Variants in WDR62 observed in about 807,000 individuals in gnomAD.
WDR62 encodes the protein WD repeat-containing protein 62.
WDR62 carries 112 observed loss-of-function variants against 160.6 expected under a neutral mutation model. That is an observed-to-expected ratio of 0.70 (90% CI 0.60 to 0.82). The LOEUF is 0.82. Ranked by LOEUF, WDR62 falls within the 40% of genes least tolerant of loss-of-function variation. The pLI is 0.00. For missense variants in WDR62, 1,819 were observed against 1,983.8 expected (o/e 0.92, Z 1.58); for synonymous variants, 792 against 815.1 (o/e 0.97, Z 0.48).
Position 36,103,967 on chromosome 19 carries a change from T to A in WDR62, c.4139T>A (p.Leu1380Gln). The A allele has an allele frequency of 6.3e-7, 1 of 1,598,134 alleles. No individual in the cohort carries two copies. Among genetic ancestry groups the A allele is most frequent in the Non-Finnish European group, 8.5e-7 (1 of 1,179,852 alleles). Residue 1380 changes from leucine (L) to glutamine (Q), a missense_variant, in exon 30 of 32, where the codon CTG (leucine) becomes CAG (glutamine). Physicochemically the swap from Leu to Gln is moderately radical, Grantham distance 113. Coordinates refer to ENST00000401500, the MANE Select transcript of WDR62 (RefSeq NM_001083961.2). ...PGIPGGTASL[L>Q]EPTSGALGLL... is the part of the protein sequence containing the mutation. ...ATCCCTGGCGGCACTGCCTCCCTCC[T>A]GGAGCCCACCTCCGGTGAGTACAGC...
downstream of WDR62, among the ~76,000 whole-genome samples, chr19:36,106,942 C>T (rs768426566): frequency 9.2e-5 from 14 of 152,132 alleles, no homozygotes; most frequent in Middle Eastern, 6.3e-3. Flanking sequence ...CTGCCTAGTT[C>T]GGCCACCATT....
In WDR62 at chr19:36,055,105, G is replaced by A; in HGVS notation, c.134G>A (p.Arg45Gln). The change falls in exon 1 of 32, where the codon CGG becomes CAG. Residue 45 changes from arginine to glutamine, a missense_variant. Physicochemically the swap from Arg to Gln is conservative, Grantham distance 43. Transcript: ENST00000401500. Reference sequence around the variant, plus strand: ...GCCCCACCAATCTGCCTACGGCGGCGGACGCGACTCTCGACGGCCTCCGAG... The same window carrying A: ...GCCCCACCAATCTGCCTACGGCGGCAGACGCGACTCTCGACGGCCTCCGAG... ...PPAPPICLRR[R>Q]TRLSTASEET... 1.2e-6 allele frequency: 2 copies of A among 1,606,602 alleles called. No homozygotes were observed. The highest frequency in any genetic ancestry group is 1.7e-6 in the Non-Finnish European group (2 of 1,177,636).
rs75230537 is a variant in WDR62 at position 36,081,514 on chromosome 19, T to C, written c.1315T>C (p.Phe439Leu). ...LTCSSDNTIR[F>L]WNLDSSPDSH... is the part of the protein sequence containing the mutation. Reference sequence around the variant, plus strand: ...TTGTTCTTCAGACAACACCATTCGCTTCTGGAACTTGGACAGCAGCCCTGA... The same window carrying C: ...TTGTTCTTCAGACAACACCATTCGCCTCTGGAACTTGGACAGCAGCCCTGA... The change falls in exon 10 of 32, where the codon TTC (phenylalanine) becomes CTC (leucine). Residue 439 changes from phenylalanine (F) to leucine (L), a missense_variant. Physicochemically the swap from Phe to Leu is conservative, Grantham distance 22 (BLOSUM62 0). Coordinates refer to ENST00000401500, the MANE Select transcript of WDR62 (RefSeq NM_001083961.2). 28 of 1,614,064 alleles carry C rather than the reference T, an allele frequency of 1.7e-5. No homozygotes were observed. The highest frequency in any genetic ancestry group is 6.8e-6 in the Non-Finnish European group (8 of 1,180,038).
At chr19:36,063,758 C>G (rs1203597764) in intron 3 of WDR62, among the ~76,000 whole-genome samples, 1 of 152,212 alleles carries the variant, frequency 6.6e-6, no homozygotes, top group Non-Finnish European at 1.5e-5. Context: ...AAGGTGTTGC[C>G]TGCCAGATTC....
chr19:36,093,520 A>C (rs1972763944), intron 19 of WDR62, among the ~76,000 whole-genome samples: 1 of 152,040 alleles, frequency 6.6e-6, no homozygotes, highest in Non-Finnish European at 1.5e-5. Flanking sequence ...TGTTTTTGCC[A>C]TTGGCTCCAT....
rs150624399 is a variant in WDR62, at chr19:36,103,639, G to A, written c.3811G>A (p.Ala1271Thr). The A allele has an allele frequency of 9.3e-6, 15 of 1,609,022 alleles. No homozygotes were observed. The highest frequency in any genetic ancestry group is 6.7e-5 in the Admixed American group (4 of 59,886). ...LGQELQAITT[A>T]TTPSLDSEGQ... ...CCAGGAGCTTCAGGCCATCACCACC[G>A]CGACAACACCCAGTTTGGACAGTGA... The change falls in exon 30 of 32, where the codon GCG becomes ACG. Residue 1271 changes from alanine (A) to threonine (T), a missense_variant. Transcript: ENST00000401500.
At chr19:36,078,861 T>A (rs1971734190) in intron 9 of WDR62, among the ~76,000 whole-genome samples, 2 of 150,346 alleles carry the variant, frequency 1.3e-5, no homozygotes, top group East Asian at 3.9e-4. Flanking sequence ...CAAAGTAAGT[T>A]ATAGTTTTTA....
Position 36,103,011 on chromosome 19 carries a change from C to T in WDR62, c.3399C>T (p.Leu1133=), listed in dbSNP as rs201394399. Residue 1133 remains leucine (L), a synonymous_variant, in exon 28 of 32, where the codon CTC becomes CTT. Transcript: ENST00000401500. ...TTGTGAAGTCTCCAGAGGTCAAGCT[C>T]ATGGACCGAGGCGGAAGCCAGCCCA... ...QCLVKSPEVK[L]MDRGGSQPRA... 6.2e-7 allele frequency: 1 copy of T among 1,614,132 alleles called. No individual in the cohort carries two copies. Among genetic ancestry groups the T allele is most frequent in the Non-Finnish European group, 8.5e-7 (1 of 1,180,010 alleles).
intron 20 of WDR62, among the ~76,000 whole-genome samples, chr19:36,095,667 G>A (rs188584590): frequency 1.6e-4 from 25 of 152,330 alleles, no homozygotes; most frequent in Admixed American, 1.1e-3. Context: ...GATGGCGTGC[G>A]CCTGTAATAG....
intron 21 of WDR62, among the ~76,000 whole-genome samples, chr19:36,098,185 C>CT (rs1973089439): frequency 6.6e-6 from 1 of 152,030 alleles, no homozygotes. Context: ...AGGAGGATCA[C>CT]TTCAGCCCAG....
chr19:36,072,421 G>A (rs1191667268), intron 8 of WDR62, among the ~76,000 whole-genome samples: 1 of 152,198 alleles, frequency 6.6e-6, no homozygotes, highest in Non-Finnish European at 1.5e-5. Context: ...TCTATCCTCA[G>A]GTCAGTGGGC....
chr19:36,090,609 TCCTC>T, intron 16 of WDR62, 89 bp downstream of exon 16: 1 of 1,239,578 alleles, frequency 8.1e-7, no homozygotes, highest in South Asian at 1.2e-5. Context: ...CCTTGGTCCT[TCCTC>T]AGTGCACCGC....
chr19:36,109,774 T>C (rs1456181817), downstream of WDR62, among the ~76,000 whole-genome samples: 1 of 137,654 alleles, frequency 7.3e-6, no homozygotes, highest in African/African-American at 2.8e-5. Context: ...TAAAAACAGG[T>C]TGGGCGCGGT....
chr19:36,061,966 CAG>C (rs1214118454), intron 3 of WDR62: 2 of 149,890 alleles, frequency 1.3e-5, no homozygotes, highest in South Asian at 2.1e-4. Flanking sequence ...TTTTTGGACA[CAG>C]AGTCTTGCTC....
chr19:36,095,928 T>C (rs1162812859), intron 20 of WDR62, among the ~76,000 whole-genome samples: 1 of 152,226 alleles, frequency 6.6e-6, no homozygotes, highest in African/African-American at 2.4e-5. Context: ...TTTTAAGTTA[T>C]TCCCCTCCAG....
At chr19:36,081,222 G>T (rs1379872561) in intron 9 of WDR62, among the ~76,000 whole-genome samples, 1 of 152,096 alleles carries the variant, frequency 6.6e-6, no homozygotes, top group Non-Finnish European at 1.5e-5. Context: ...TTTATTTGAG[G>T]GTATGTGTTA....
downstream of WDR62, among the ~76,000 whole-genome samples, chr19:36,109,447 T>A (rs1973766912): frequency 6.6e-6 from 1 of 152,198 alleles, no homozygotes; most frequent in Non-Finnish European, 1.5e-5. Context: ...AGAAAATTGT[T>A]TAGTTGCCAG....
intron 18 of WDR62, among the ~76,000 whole-genome samples, chr19:36,091,686 C>T (rs1036199752): frequency 2.6e-5 from 4 of 152,148 alleles, no homozygotes; most frequent in African/African-American, 7.2e-5. Flanking sequence ...CACTTGAGCT[C>T]AGGAGTTCGA....
chr19:36,065,796 C>T (rs1239420790), intron 3 of WDR62, among the ~76,000 whole-genome samples, 162 bp from the exon 4 acceptor site: 1 of 152,216 alleles, frequency 6.6e-6, no homozygotes, highest in Admixed American at 6.5e-5. Flanking sequence ...GCTGGGCACA[C>T]CAGCGGCACT....
Sources: allele counts gnomAD v4.1 joint callset (sites outside exome capture counted in the v4.1 genomes callset), GRCh38; gene constraint gnomAD v4.1.1; transcripts MANE v1.5; gene names NCBI Gene and HGNC (gene_info 2026-07-23, HGNC 2026-07-21).